The following ZFYVE9 variants were observed in gnomAD, a reference collection of about 807,000 sequenced individuals.
ZFYVE9 encodes zinc finger FYVE domain-containing protein 9.
A neutral mutation model predicts 126.7 loss-of-function variants in ZFYVE9; 43 were observed. That is an observed-to-expected ratio of 0.34 (90% CI 0.27 to 0.44). The LOEUF is 0.44. ZFYVE9 is among the 20% of genes least tolerant of loss of function. ZFYVE9 has a pLI of 1.00. For missense variants in ZFYVE9, 1,476 were observed against 1,697.0 expected (o/e 0.87, Z 2.29); for synonymous variants, 521 against 597.4 (o/e 0.87, Z 1.87).
chr1:52,182,525 C>G (rs1406739499), intron 1 of ZFYVE9, among the ~76,000 whole-genome samples: 1 of 151,984 alleles, frequency 6.6e-6, no homozygotes, highest in African/African-American at 2.4e-5. Context: ...GCAAGATGTG[C>G]TTTGTTAAAC....
chr1:52,219,750 TGTG>T (rs1202878508), intron 2 of ZFYVE9, among the ~76,000 whole-genome samples: 5 of 7,466 alleles, frequency 6.7e-4, no homozygotes, highest in Non-Finnish European at 1.9e-3. Context: ...CAAGATCTTT[TGTG>T]TGTGTGTGTG....
rs1569775764 is a variant in ZFYVE9, at chr1:52,333,027, CAAATT to C, written c.3589+112_3589+116del. The C allele has an allele frequency of 1.0e-5, 14 of 1,373,990 alleles. 1 individual carries two copies. In the East Asian group the frequency reaches 3.4e-4, roughly 33 times the overall value. 85.1% of individuals were successfully genotyped at this position (1,373,990 alleles called of 1,614,324 possible). Reference sequence around the variant, plus strand: ...CACTTTCTAGATAGGTGACCACAAACAAATTAATTAACCTTTCCAACCATATTCTT... The same window carrying C: ...CACTTTCTAGATAGGTGACCACAAACAATTAACCTTTCCAACCATATTCTT... On this transcript the variant is annotated intron_variant, in intron 14 of 18. Coordinates refer to ENST00000287727, the MANE Select transcript of ZFYVE9 (RefSeq NM_004799.4).
intron 2 of ZFYVE9, among the ~76,000 whole-genome samples, chr1:52,231,616 A>G (rs1476398857): frequency 6.6e-6 from 1 of 152,056 alleles, no homozygotes; most frequent in Non-Finnish European, 1.5e-5. Flanking sequence ...GTTAATAATC[A>G]TGGGAAAATA....
intron 13 of ZFYVE9, among the ~76,000 whole-genome samples, chr1:52,313,140 G>A (rs909801485): frequency 2.6e-5 from 4 of 152,056 alleles, no homozygotes; most frequent in African/African-American, 9.7e-5. Context: ...GTTGATTTTG[G>A]GCTTGATTTT....
At chr1:52,143,509 T>C (rs1320169151) in intron 1 of ZFYVE9, among the ~76,000 whole-genome samples, 1 of 152,206 alleles carries the variant, frequency 6.6e-6, no homozygotes, top group East Asian at 1.9e-4. Context: ...TTGGGAATTA[T>C]AGAAAGGTAC....
intron 3 of ZFYVE9, among the ~76,000 whole-genome samples, chr1:52,236,004 T>A (rs891384610): frequency 3.9e-5 from 6 of 152,166 alleles, no homozygotes; most frequent in Admixed American, 3.3e-4. Flanking sequence ...ATAGTAAAAT[T>A]GGCTTCTTTA....
intron 1 of ZFYVE9, among the ~76,000 whole-genome samples, chr1:52,148,777 G>A (rs1040180876): frequency 2.6e-5 from 4 of 150,988 alleles, no homozygotes; most frequent in African/African-American, 9.7e-5. Flanking sequence ...TGGTAGCGGG[G>A]ACTACAGGTG....
intron 1 of ZFYVE9, among the ~76,000 whole-genome samples, chr1:52,208,142 A>G (rs1472010861): frequency 6.6e-6 from 1 of 152,190 alleles, no homozygotes; most frequent in African/African-American, 2.4e-5. Context: ...GCAACACAGC[A>G]GAAACCTGTC....
At chr1:52,249,179 C>T (rs1271741439) in intron 4 of ZFYVE9, among the ~76,000 whole-genome samples, 1 of 152,158 alleles carries the variant, frequency 6.6e-6, no homozygotes, top group Non-Finnish European at 1.5e-5. Context: ...TTCCTGGGGC[C>T]TTCCAGTCAT....
chr1:52,300,388 G>A (rs1646022192), intron 12 of ZFYVE9, among the ~76,000 whole-genome samples: 1 of 151,952 alleles, frequency 6.6e-6, no homozygotes, highest in Admixed American at 6.6e-5. Flanking sequence ...TCAGGAGTTT[G>A]AGACCAGCCT....
intron 2 of ZFYVE9, among the ~76,000 whole-genome samples, chr1:52,224,253 C>T (rs1428530691): frequency 6.6e-6 from 1 of 151,934 alleles, no homozygotes; most frequent in African/African-American, 2.4e-5. Flanking sequence ...TGTGGGGTGG[C>T]ATGGCCCATG....
intron 4 of ZFYVE9, chr1:52,253,647 T>TG: frequency 6.6e-7 from 1 of 1,515,396 alleles, no homozygotes; most frequent in South Asian, 1.1e-5. Flanking sequence ...AGGCACCTCC[T>TG]GGTACTGACC....
chr1:52,202,762 T>C (rs575545750), intron 1 of ZFYVE9, among the ~76,000 whole-genome samples: 125 of 151,928 alleles, frequency 8.2e-4, no homozygotes, highest in Non-Finnish European at 1.4e-3. Flanking sequence ...CTTGGCTCAC[T>C]GCAACCTCCG....
rs542174503 is a variant in ZFYVE9, at chr1:52,171,387, T to C, written c.-143+28984T>C. 2.3e-3 allele frequency among the ~76,000 whole-genome samples: 354 copies of C among 152,340 alleles called. 7 individuals carry two copies. The South Asian group carries it at 0.045, about 19-fold the overall frequency. Reference sequence around the variant, plus strand: ...GTGTATATGTGCCACATTTTCTTAATCCACTATATCATTGTTGGACATTTG... The same window carrying C: ...GTGTATATGTGCCACATTTTCTTAACCCACTATATCATTGTTGGACATTTG... On this transcript the variant is annotated intron_variant, in intron 1 of 18. Coordinates refer to ENST00000287727, the MANE Select transcript of ZFYVE9 (RefSeq NM_004799.4).
intron 1 of ZFYVE9, among the ~76,000 whole-genome samples, chr1:52,182,617 G>A (rs1644722022): frequency 6.6e-6 from 1 of 151,834 alleles, no homozygotes; most frequent in South Asian, 2.1e-4. Context: ...CACTGCGGAA[G>A]GCTGCAGGGT....
chr1:52,181,831 G>T (rs1436817299), intron 1 of ZFYVE9, among the ~76,000 whole-genome samples: 1 of 151,168 alleles, frequency 6.6e-6, no homozygotes, highest in Non-Finnish European at 1.5e-5. Flanking sequence ...GAGAAGCGAG[G>T]AGCCCCTCCG....
chr1:52,329,320 A>T (rs998415395), intron 13 of ZFYVE9, among the ~76,000 whole-genome samples: 2 of 152,170 alleles, frequency 1.3e-5, no homozygotes, highest in Non-Finnish European at 2.9e-5. Flanking sequence ...CCCTTACCTC[A>T]CATTATATAT....
intron 2 of ZFYVE9, among the ~76,000 whole-genome samples, chr1:52,231,157 G>A (rs1043117886): frequency 1.3e-5 from 2 of 152,040 alleles, no homozygotes; most frequent in African/African-American, 4.8e-5. Flanking sequence ...TATCTGAAAT[G>A]GCATGCATAT....
intron 3 of ZFYVE9, among the ~76,000 whole-genome samples, chr1:52,233,962 G>A (rs989485743): frequency 6.6e-6 from 1 of 151,970 alleles, no homozygotes; most frequent in East Asian, 1.9e-4. Context: ...TGTATTTTTA[G>A]TACAGAAGGG....
Sources: gnomAD v4.1 joint callset for allele counts (sites outside exome capture counted in the v4.1 genomes callset) on GRCh38, gnomAD v4.1.1 for gene constraint, MANE v1.5 for transcripts, NCBI Gene and HGNC (gene_info 2026-07-23, HGNC 2026-07-21) for gene names.